The following OSBPL2 variants were observed in gnomAD, a reference collection of about 807,000 sequenced individuals.
The protein encoded by OSBPL2 is oxysterol binding protein like 2, also known as oxysterol-binding protein-related protein 2.
OSBPL2 carries 18 observed loss-of-function variants against 58.4 expected under a neutral mutation model. That is an observed-to-expected ratio of 0.31 (90% CI 0.21 to 0.46). The LOEUF (loss-of-function observed/expected upper bound fraction) is 0.46, where lower values mean the gene tolerates loss of function less well. Ranked by LOEUF, OSBPL2 falls within the 20% of genes least tolerant of loss-of-function variation. The probability of loss-of-function intolerance (pLI) is 1.00; values close to 1 mark genes in which losing one functional copy is unlikely to be tolerated. For missense variants in OSBPL2, 461 were observed against 616.5 expected, an observed-to-expected ratio of 0.75 and a Z score of 2.67; for synonymous variants, 221 against 234.1, an observed-to-expected ratio of 0.94 and a Z score of 0.51.
intron 2 of OSBPL2, among the ~76,000 whole-genome samples, chr20:62,258,363 G>C (rs1158540601): frequency 1.3e-5 from 2 of 152,174 alleles, no homozygotes; most frequent in Non-Finnish European, 2.9e-5. Context: ...AATTTCAAAA[G>C]TATGTAAACT....
chr20:62,279,614 C>T (rs573621737), intron 7 of OSBPL2: 29 of 498,212 alleles, frequency 5.8e-5, no homozygotes, highest in African/African-American at 3.3e-4. Context: ...TGCATCCTCA[C>T]GTCTGCAGTT....
At chr20:62,281,244 C>T in intron 8 of OSBPL2, 79 bp downstream of exon 8, 2 of 1,060,490 alleles carry the variant, frequency 1.9e-6, no homozygotes, top group Non-Finnish European at 1.5e-6. Flanking sequence ...AGCATCCGTG[C>T]TCCTGGTGGG....
chr20:62,281,263 C>CGTGAGGCTGAGCTAAA, intron 8 of OSBPL2, 98 bp downstream of exon 8: 1 of 833,658 alleles, frequency 1.2e-6, no homozygotes, highest in Non-Finnish European at 2.0e-6. Flanking sequence ...GGTTTTAGCT[C>CGTGAGGCTGAGCTAAA]AGCCTCACGA....
intron 1 of OSBPL2, among the ~76,000 whole-genome samples, chr20:62,245,466 A>G (rs969623807): frequency 3.5e-4 from 54 of 152,224 alleles, no homozygotes; most frequent in African/African-American, 1.3e-3. Context: ...TGAGCCACGT[A>G]GAGCCCCACG....
chr20:62,242,691 C>T (rs1406906077), intron 1 of OSBPL2: 1 of 152,376 alleles, frequency 6.6e-6, no homozygotes, highest in Admixed American at 6.5e-5. Flanking sequence ...GCACTGAGGG[C>T]CTGGGGGCTG....
At chr20:62,277,590 T>C (rs1982467656) in intron 6 of OSBPL2, among the ~76,000 whole-genome samples, 1 of 152,268 alleles carries the variant, frequency 6.6e-6, no homozygotes, top group African/African-American at 2.4e-5. Flanking sequence ...CCTGATACCC[T>C]GGATCCCTAC....
intron 5 of OSBPL2, 44 bp from the exon 6 acceptor site, chr20:62,273,265 T>G: frequency 6.6e-7 from 1 of 1,513,378 alleles, no homozygotes; most frequent in Non-Finnish European, 9.1e-7. Context: ...CCAGCGCGTT[T>G]CCTAACTGAA....
At chr20:62,249,842 G>T (rs1267690381) in intron 1 of OSBPL2, among the ~76,000 whole-genome samples, 1 of 152,224 alleles carries the variant, frequency 6.6e-6, no homozygotes, top group Non-Finnish European at 1.5e-5. Flanking sequence ...CCAAAGTGCT[G>T]GGATTACAGG....
At chr20:62,280,168 G>T in intron 7 of OSBPL2, 1 of 1,225,028 alleles carries the variant, frequency 8.2e-7, no homozygotes, top group South Asian at 1.3e-5. Flanking sequence ...GTAGGCAGCA[G>T]GTCCTAACAA....
At chr20:62,273,557 G>A (rs1241200196) in intron 6 of OSBPL2, 151 bp downstream of exon 6, 3 of 675,884 alleles carry the variant, frequency 4.4e-6, no homozygotes, top group Non-Finnish European at 7.4e-6. Flanking sequence ...TGCTGTAGGC[G>A]AGATGTTTCA....
intron 1 of OSBPL2, chr20:62,242,501 G>A (rs1275111583): frequency 1.3e-5 from 2 of 152,220 alleles, no homozygotes; most frequent in African/African-American, 4.8e-5. Flanking sequence ...CTCTTTGCTT[G>A]CCTTCTGTTT....
rs539985729 is a variant in OSBPL2 at position 62,261,415 on chromosome 20, A to G, written c.182+1290A>G. ...TGGCATTGCGTTGCAGGCTCCAGGC[A>G]CAGCCGCTAATGTGTGTCTCAGCTC... On this transcript the variant is annotated intron_variant, in intron 3 of 13. Coordinates refer to ENST00000313733, the MANE Select transcript of OSBPL2 (RefSeq NM_144498.4). Among the ~76,000 whole-genome samples the G allele has an allele frequency of 5.3e-5, 8 of 151,060 alleles. No homozygotes were observed. In the East Asian group the frequency reaches 1.6e-3, roughly 30 times the overall value.
chr20:62,286,630 T>G lies in OSBPL2; in HGVS notation c.1044T>G (p.Pro348=). ...KADSDVADDV[P]VAQETVQVIP... ...ACAGCGACGTGGCTGACGACGTGCC[T>G]GTGGCCCAGGAGACCGTGCAGGTCA... Residue 348 remains proline (P), a synonymous_variant, in exon 11 of 14, where the codon CCT becomes CCG. Coordinates refer to ENST00000313733, the MANE Select transcript of OSBPL2 (RefSeq NM_144498.4). The G allele has an allele frequency of 6.2e-7, 1 of 1,613,754 alleles. No homozygotes were observed. Among genetic ancestry groups the G allele is most frequent in the African/African-American group, 1.3e-5 (1 of 75,054 alleles).
chr20:62,272,626 C>T (rs977452621), intron 5 of OSBPL2, among the ~76,000 whole-genome samples: 1 of 152,154 alleles, frequency 6.6e-6, no homozygotes, highest in African/African-American at 2.4e-5. Context: ...TGGGCACGCA[C>T]GGTGGCTCAT....
chr20:62,255,948 C>A, intron 1 of OSBPL2, 109 bp from the exon 2 acceptor site: 1 of 460,872 alleles, frequency 2.2e-6, no homozygotes. Context: ...TACTAATTTG[C>A]TTACATGGAA....
Position 62,273,422 on chromosome 20 carries a change from C to T in OSBPL2, c.491+16C>T, listed in dbSNP as rs909513718. ...AATTAATCAGGTAAGGGGGGAAAGG[C>T]CCATCATAAATATCTTGTAAATGGA... On this transcript the variant is annotated intron_variant, in intron 6 of 13. Coordinates refer to ENST00000313733, the MANE Select transcript of OSBPL2 (RefSeq NM_144498.4). 5.2e-6 allele frequency: 8 copies of T among 1,544,364 alleles called. No homozygotes were observed. In the African/African-American group the frequency reaches 8.3e-5, roughly 16 times the overall value.
chr20:62,258,503 A>C (rs926973134), intron 2 of OSBPL2, among the ~76,000 whole-genome samples: 2 of 152,266 alleles, frequency 1.3e-5, no homozygotes, highest in Non-Finnish European at 2.9e-5. Flanking sequence ...AGAGGGGCTA[A>C]TAAAAACAAG....
intron 2 of OSBPL2, chr20:62,258,928 CA>C (rs1167163990): frequency 6.6e-6 from 1 of 152,230 alleles, no homozygotes; most frequent in Admixed American, 6.5e-5. Flanking sequence ...CCCATCCTCT[CA>C]AAATCACGAT....
In OSBPL2 at chr20:62,293,990, G is replaced by A. The variant is rs1226008207; in HGVS notation, c.*103G>A. 17 of 1,457,962 alleles carry A rather than the reference G, an allele frequency of 1.2e-5. No individual in the cohort carries two copies. Among genetic ancestry groups the A allele is most frequent in the African/African-American group, 5.7e-5 (4 of 69,982 alleles). 90.3% of individuals were successfully genotyped at this position (1,457,962 alleles called of 1,614,324 possible). On this transcript the variant is annotated 3_prime_UTR_variant, in exon 14 of 14. Coordinates refer to ENST00000313733, the MANE Select transcript of OSBPL2 (RefSeq NM_144498.4). ...CACAGCAGAAACCAACTTTTCTAAC[G>A]ACTGAGTTCGCGGAGATAGCATCAT...
Sources: gnomAD v4.1 joint callset for allele counts (sites outside exome capture counted in the v4.1 genomes callset) on GRCh38, gnomAD v4.1.1 for gene constraint, MANE v1.5 for transcripts, NCBI Gene and HGNC (gene_info 2026-07-23, HGNC 2026-07-21) for gene names.